LIG1: variants seen among roughly 807,000 people sequenced by gnomAD.
LIG1 encodes the protein ligase I, DNA, ATP-dependent.
LIG1 carries 70 observed loss-of-function variants against 115.7 expected under a neutral mutation model. The observed-to-expected ratio is 0.60, with a 90% CI of 0.50 to 0.74. The LOEUF (loss-of-function observed/expected upper bound fraction) is 0.74. Among genes scored for constraint, LIG1 ranks in the 30% least tolerant of loss-of-function variants. The pLI, the probability that LIG1 is intolerant of heterozygous loss-of-function variation, is 0.00. For synonymous variants in LIG1, 487 were observed against 495.3 expected (o/e 0.98, Z 0.22); for missense variants, 1,115 against 1,225.6 (o/e 0.91, Z 1.35).
At position 48,115,814 on chromosome 19, in the gene LIG1, C is replaced by T. The variant is rs2122239433; in HGVS notation, c.2676+59G>A. The T allele has an allele frequency of 1.9e-6, 3 of 1,585,278 alleles. No homozygotes were observed. In the East Asian group the frequency reaches 6.7e-5, roughly 35 times the overall value. On this transcript the variant is annotated intron_variant, in intron 27 of 27. Transcript: ENST00000263274. ...ACAAGGTTCCAGAGAGGCCACCACG[C>T]TAAAAAGCTGGTAGGGCCAAGCAGC...
chr19:48,128,785 CAG>C (rs1038422094), intron 19 of LIG1, among the ~76,000 whole-genome samples: 13 of 152,210 alleles, frequency 8.5e-5, no homozygotes, highest in Admixed American at 6.5e-5. Flanking sequence ...CTTTTTGAGT[CAG>C]AGTCTAGCTC....
chr19:48,160,088 GC>G (rs1283235581), intron 4 of LIG1, among the ~76,000 whole-genome samples: 4 of 152,188 alleles, frequency 2.6e-5, no homozygotes, highest in Non-Finnish European at 5.9e-5. Flanking sequence ...CTCCCCCAGA[GC>G]CCCCAGAAAT....
chr19:48,138,225 G>A (rs910318044), intron 12 of LIG1, among the ~76,000 whole-genome samples: 1 of 152,076 alleles, frequency 6.6e-6, no homozygotes, highest in Non-Finnish European at 1.5e-5. Flanking sequence ...CTCAAGTCAC[G>A]GTGACAGCTG....
At chr19:48,133,736 C>A (rs926926986) in intron 17 of LIG1, among the ~76,000 whole-genome samples, 4 of 152,180 alleles carry the variant, frequency 2.6e-5, no homozygotes, top group African/African-American at 9.7e-5. Flanking sequence ...GCTGGGATCA[C>A]AGGCACACGC....
At chr19:48,148,903 C>A (rs903536781) in intron 9 of LIG1, among the ~76,000 whole-genome samples, 1 of 152,164 alleles carries the variant, frequency 6.6e-6, no homozygotes, top group Non-Finnish European at 1.5e-5. Flanking sequence ...GCAGGGCGGC[C>A]GGCTCTCTAT....
At chr19:48,161,175 TGAA>T (rs968974976) in intron 4 of LIG1, 194 bp downstream of exon 4, 52 of 694,590 alleles carry the variant, frequency 7.5e-5, no homozygotes, top group Admixed American at 6.1e-4. Context: ...CCTAACGTGG[TGAA>T]GGAGCCCACC....
Position 48,157,078 on chromosome 19 carries a change from A to G in LIG1, c.306T>C (p.Asn102=). The G allele has an allele frequency of 1.2e-6, 2 of 1,613,334 alleles. No homozygotes were observed. The highest frequency in any genetic ancestry group is 1.7e-6 in the Non-Finnish European group (2 of 1,179,614). The change falls in exon 5 of 28, where the codon AAT becomes AAC. Residue 102 remains asparagine, a synonymous_variant. Coordinates refer to ENST00000263274, the MANE Select transcript of LIG1 (RefSeq NM_000234.3). The part of the protein sequence containing the change: ...PPRPATSPEN[N]ASLSDTSPMD... ...TGGGAGAGGTGTCAGAGAGGGAAGCATTGTTCTCAGGAGATGTGGCAGGAC... is the reference window on the plus strand; with the variant it reads ...TGGGAGAGGTGTCAGAGAGGGAAGCGTTGTTCTCAGGAGATGTGGCAGGAC...
chr19:48,125,213 T>C (rs1205343319), intron 21 of LIG1, among the ~76,000 whole-genome samples: 1 of 152,104 alleles, frequency 6.6e-6, no homozygotes, highest in Non-Finnish European at 1.5e-5. Flanking sequence ...TGAGAAGAAA[T>C]ATTTGAAATG....
At chr19:48,128,331 C>T (rs1568490253) in intron 19 of LIG1, among the ~76,000 whole-genome samples, 1 of 152,160 alleles carries the variant, frequency 6.6e-6, no homozygotes, top group Non-Finnish European at 1.5e-5. Flanking sequence ...CCACCAACTC[C>T]CTGCTCAGCC....
chr19:48,163,637 C>A (rs541042955), intron 2 of LIG1, among the ~76,000 whole-genome samples: 1 of 149,800 alleles, frequency 6.7e-6, no homozygotes, highest in African/African-American at 2.4e-5. Flanking sequence ...AAATATTAAG[C>A]AAACAACTAA....
At chr19:48,121,783 G>A (rs948329019) in intron 23 of LIG1, among the ~76,000 whole-genome samples, 2 of 152,138 alleles carry the variant, frequency 1.3e-5, no homozygotes, top group South Asian at 4.2e-4. Flanking sequence ...CCTGGGCAAT[G>A]AGAGTGAAAC....
intron 15 of LIG1, 109 bp downstream of exon 15, chr19:48,135,925 G>A (rs952468731): frequency 9.9e-7 from 1 of 1,005,440 alleles, no homozygotes; most frequent in African/African-American, 1.6e-5. Context: ...GAGGAGCCTG[G>A]TATGGCAGGG....
At chr19:48,121,364 A>C in intron 23 of LIG1, 42 bp from the exon 24 acceptor site, 1 of 1,544,462 alleles carries the variant, frequency 6.5e-7, no homozygotes, top group South Asian at 1.2e-5. Context: ...GGGAGCGCCC[A>C]AGGCGGGGCC....
intron 2 of LIG1, among the ~76,000 whole-genome samples, chr19:48,163,449 G>C (rs1251971090): frequency 6.6e-6 from 1 of 151,522 alleles, no homozygotes; most frequent in East Asian, 2.0e-4. Flanking sequence ...TCGAACTCCT[G>C]ATCTCAGGTG....
intron 14 of LIG1, among the ~76,000 whole-genome samples, chr19:48,136,730 C>G (rs534695843): frequency 2.0e-4 from 30 of 152,296 alleles, no homozygotes; most frequent in African/African-American, 7.0e-4. Context: ...CTGCAGGGCC[C>G]GCGCCCAAGC....
rs2032732970 is a variant in LIG1, at chr19:48,115,556, T to C, written c.*93A>G. 5 of 937,774 alleles carry C rather than the reference T, an allele frequency of 5.3e-6. No homozygotes were observed. The highest frequency in any genetic ancestry group is 6.8e-6 in the Non-Finnish European group (4 of 586,226). 58.1% of individuals were successfully genotyped at this position (937,774 alleles called of 1,614,324 possible). ...CCCCTGACTCTCAAAATCCACAGCC[T>C]GCCACAGCAGATTTGCTAAAAAGCA... is the stretch of plus-strand genomic sequence containing the variant. On this transcript the variant is annotated 3_prime_UTR_variant, in exon 28 of 28. Coordinates refer to ENST00000263274, the MANE Select transcript of LIG1 (RefSeq NM_000234.3).
At chr19:48,158,598 C>T (rs886475655) in intron 4 of LIG1, among the ~76,000 whole-genome samples, 1 of 152,278 alleles carries the variant, frequency 6.6e-6, no homozygotes, top group Non-Finnish European at 1.5e-5. Context: ...CACAAATCTT[C>T]TTCTTGCTCT....
chr19:48,159,235 G>A (rs962773118), intron 4 of LIG1, among the ~76,000 whole-genome samples: 3 of 152,124 alleles, frequency 2.0e-5, no homozygotes, highest in African/African-American at 7.2e-5. Context: ...GTGCCACCAT[G>A]CCCGGCTAAC....
At chr19:48,140,198 G>A in intron 11 of LIG1, 55 bp from the exon 12 acceptor site, 9 of 1,367,544 alleles carry the variant, frequency 6.6e-6, no homozygotes, top group Middle Eastern at 2.5e-4. Context: ...AAAGTGTGGT[G>A]TCGGGGTGGG....
Sources: gnomAD v4.1 joint callset for allele counts (sites outside exome capture counted in the v4.1 genomes callset) on GRCh38, gnomAD v4.1.1 for gene constraint, MANE v1.5 for transcripts, NCBI Gene and HGNC (gene_info 2026-07-23, HGNC 2026-07-21) for gene names.